The following DOCK10 variants were observed in gnomAD, a reference collection of about 807,000 sequenced individuals.
DOCK10 encodes dedicator of cytokinesis 10.
Under a neutral mutation model 280.1 loss-of-function variants are expected in DOCK10, and 145 were observed. That is an observed-to-expected ratio of 0.52 (90% CI 0.45 to 0.59). The LOEUF (loss-of-function observed/expected upper bound fraction) is 0.59. Among genes scored for constraint, DOCK10 ranks in the 20% least tolerant of loss-of-function variants. The pLI, the probability that DOCK10 is intolerant of heterozygous loss-of-function variation, is 0.00. For missense variants in DOCK10, 2,368 were observed against 2,651.7 expected, an observed-to-expected ratio of 0.89 and a Z score of 2.35; for synonymous variants, 915 against 942.2, an observed-to-expected ratio of 0.97 and a Z score of 0.53.
At chr2:224,940,286 T>C (rs1702956257) in intron 1 of DOCK10, among the ~76,000 whole-genome samples, 1 of 152,230 alleles carries the variant, frequency 6.6e-6, no homozygotes, top group Non-Finnish European at 1.5e-5. Context: ...AGCCCATCTC[T>C]CCACTCTTCC....
At chr2:224,854,892 CAA>C (rs1697003886) in intron 16 of DOCK10, 69 bp downstream of exon 16, 6 of 1,032,456 alleles carry the variant, frequency 5.8e-6, no homozygotes, top group African/African-American at 2.2e-5. Flanking sequence ...ACCAACCAAC[CAA>C]CCAAAACAAA....
intron 47 of DOCK10, among the ~76,000 whole-genome samples, chr2:224,791,898 A>C (rs1692222328): frequency 6.6e-6 from 1 of 152,216 alleles, no homozygotes; most frequent in African/African-American, 2.4e-5. Context: ...ATTTCGTTTA[A>C]GTCTTTTGAT....
Position 224,802,020 on chromosome 2 carries a change from T to A in DOCK10, c.4289A>T (p.His1430Leu), listed in dbSNP as rs372167277. Reference sequence around the variant, plus strand: ...TGATCTGTGCTGCTTATGGCCTTCATGACTGGAAGTGGAGTGCATCCTGAA... The same window carrying A: ...TGATCTGTGCTGCTTATGGCCTTCAAGACTGGAAGTGGAGTGCATCCTGAA... ...LSQWMHSTSS[H>L]EGHKQHRSQT... Residue 1430 changes from histidine to leucine, a missense_variant, in exon 40 of 56, where the codon CAT becomes CTT. Physicochemically the swap from His to Leu is moderately conservative, Grantham distance 99 (BLOSUM62 -3). This residue lies in a region of DOCK10 where 1,159 missense variants were observed against 1,400.8 expected (regional missense o/e 0.83). Coordinates refer to ENST00000258390, the MANE Select transcript of DOCK10 (RefSeq NM_014689.3). 1.1e-5 allele frequency: 17 copies of A among 1,612,950 alleles called. No homozygotes were observed. The highest frequency in any genetic ancestry group is 1.4e-5 in the Non-Finnish European group (16 of 1,179,282).
Position 224,987,826 on chromosome 2 carries a change from G to A in DOCK10, c.123+54426C>T, listed in dbSNP as rs191100147. Among the ~76,000 whole-genome samples, 960 of 152,246 alleles carry A rather than the reference G, an allele frequency of 6.3e-3. 9 individuals are homozygous for A. The highest frequency in any genetic ancestry group is 0.022 in the African/African-American group (905 of 41,540). On this transcript the variant is annotated intron_variant, in intron 1 of 55. Transcript: ENST00000258390. ...ACAGTCAATATGGACTGAGCATCCT[G>A]GTTCAAGTCTAATTTGATGCTTGTC...
intron 27 of DOCK10, among the ~76,000 whole-genome samples, chr2:224,828,660 A>G (rs1365151388): frequency 6.6e-6 from 1 of 152,186 alleles, no homozygotes; most frequent in Non-Finnish European, 1.5e-5. Context: ...ATGAGCAGCC[A>G]TGGGGATCAG....
At chr2:224,850,041 C>G (rs2125529192) in intron 18 of DOCK10, among the ~76,000 whole-genome samples, 1 of 152,298 alleles carries the variant, frequency 6.6e-6, no homozygotes, top group South Asian at 2.1e-4. Context: ...TGGATTTGAC[C>G]TAGGTTTCTC....
intron 1 of DOCK10, among the ~76,000 whole-genome samples, chr2:225,036,624 C>G (rs965188118): frequency 1.3e-5 from 2 of 152,162 alleles, no homozygotes; most frequent in Admixed American, 1.3e-4. Flanking sequence ...GGACAACACT[C>G]TCAATGACGA....
chr2:224,796,595 A>G (rs1692594770), intron 43 of DOCK10, among the ~76,000 whole-genome samples, 169 bp from the exon 44 acceptor site: 1 of 152,214 alleles, frequency 6.6e-6, no homozygotes, highest in Non-Finnish European at 1.5e-5. Context: ...GGTGTTTCCT[A>G]TAATCTTAAA....
chr2:224,839,387 G>A (rs77482586), intron 24 of DOCK10, among the ~76,000 whole-genome samples: 10,675 of 151,852 alleles, frequency 0.07, 429 homozygotes, highest in African/African-American at 0.1. Context: ...GATGACAGGC[G>A]TGAGCCACCG....
intron 13 of DOCK10, among the ~76,000 whole-genome samples, chr2:224,864,050 C>T (rs1056164520): frequency 5.3e-5 from 8 of 152,098 alleles, no homozygotes; most frequent in Non-Finnish European, 1.5e-5. Flanking sequence ...TTTATTTCTA[C>T]CATTAGATTC....
intron 1 of DOCK10, among the ~76,000 whole-genome samples, chr2:224,953,292 A>G (rs781607010): frequency 4.0e-4 from 61 of 152,120 alleles, no homozygotes; most frequent in Non-Finnish European, 5.7e-4. Flanking sequence ...TGGATAATTC[A>G]TTTTATTTTT....
chr2:225,026,152 C>T (rs2106113101), intron 1 of DOCK10, among the ~76,000 whole-genome samples: 1 of 152,112 alleles, frequency 6.6e-6, no homozygotes, highest in East Asian at 1.9e-4. Flanking sequence ...GGGTAATGCC[C>T]AGAAGCTTGA....
chr2:224,967,082 CTTTTTTTTT>C (rs11381058), intron 1 of DOCK10, among the ~76,000 whole-genome samples: 1 of 142,964 alleles, frequency 7.0e-6, no homozygotes, highest in African/African-American at 2.6e-5. Flanking sequence ...ATCCTCTAGT[CTTTTTTTTT>C]TTTTTTGAGA....
At chr2:224,837,881 C>T in intron 24 of DOCK10, 50 bp from the exon 25 acceptor site, 13 of 1,441,430 alleles carry the variant, frequency 9.0e-6, no homozygotes, top group Non-Finnish European at 1.2e-5. Context: ...GCAGAAAAAC[C>T]CCGCTTTAGT....
At chr2:224,925,143 A>G (rs1431598496) in intron 2 of DOCK10, among the ~76,000 whole-genome samples, 3 of 152,124 alleles carry the variant, frequency 2.0e-5, no homozygotes, top group African/African-American at 7.2e-5. Context: ...CAGATTTAAA[A>G]GAGGTTGAGA....
At chr2:224,996,182 T>G (rs1307846946) in intron 1 of DOCK10, among the ~76,000 whole-genome samples, 1 of 152,234 alleles carries the variant, frequency 6.6e-6, no homozygotes, top group African/African-American at 2.4e-5. Flanking sequence ...ATCTGCTGTT[T>G]CTAATCAGGC....
chr2:224,778,331 TAAATC>T, intron 50 of DOCK10, 47 bp from the exon 51 acceptor site: 2 of 1,545,452 alleles, frequency 1.3e-6, no homozygotes, highest in Non-Finnish European at 1.8e-6. Context: ...ATGCTAATCA[TAAATC>T]AAAAGCAAAA....
At chr2:224,956,445 G>C (rs1704037997) in intron 1 of DOCK10, among the ~76,000 whole-genome samples, 1 of 152,014 alleles carries the variant, frequency 6.6e-6, no homozygotes, top group Admixed American at 6.5e-5. Context: ...CCAACATGGT[G>C]AAACTCTGTC....
At chr2:224,960,287 A>C (rs568891474) in intron 1 of DOCK10, among the ~76,000 whole-genome samples, 21 of 151,882 alleles carry the variant, frequency 1.4e-4, no homozygotes, top group Non-Finnish European at 2.6e-4. Context: ...CCCTACCTGC[A>C]CTCTTTATTT....
Sources: gnomAD v4.1 joint callset for allele counts (sites outside exome capture counted in the v4.1 genomes callset) on GRCh38, gnomAD v4.1.1 for gene constraint, gnomAD v4.1.1 regional missense constraint, MANE v1.5 for transcripts, NCBI Gene and HGNC (gene_info 2026-07-23, HGNC 2026-07-21) for gene names.